CHST11: variants seen among roughly 807,000 people sequenced by gnomAD.
CHST11 encodes C4S-1.
Under a neutral mutation model 30.4 loss-of-function variants are expected in CHST11, and 9 were observed. That is an observed-to-expected ratio of 0.30 (90% confidence interval 0.18 to 0.52). The LOEUF is 0.52. CHST11 is among the 20% of genes least tolerant of loss of function. CHST11 has a pLI of 0.97. For missense variants in CHST11, 348 were observed against 460.6 expected (o/e 0.76, Z 2.24); for synonymous variants, 152 against 187.8 (o/e 0.81, Z 1.56).
intron 2 of CHST11, among the ~76,000 whole-genome samples, chr12:104,711,685 A>G (rs186772730): frequency 7.0e-4 from 107 of 152,336 alleles, no homozygotes; most frequent in Non-Finnish European, 3.8e-4. Flanking sequence ...GGTGACAGCC[A>G]GATTCTTTAA....
chr12:104,654,923 A>AT (rs11423793), intron 2 of CHST11, among the ~76,000 whole-genome samples: 49,376 of 152,090 alleles, frequency 0.32, 8,320 homozygotes, highest in Non-Finnish European at 0.37. Context: ...TAGCATCCTC[A>AT]TTATAATGAC....
At chr12:104,707,459 T>C (rs2040046009) in intron 2 of CHST11, among the ~76,000 whole-genome samples, 1 of 152,148 alleles carries the variant, frequency 6.6e-6, no homozygotes, top group African/African-American at 2.4e-5. Flanking sequence ...TTTTAAGAAA[T>C]ATATATGGAA....
intron 2 of CHST11, among the ~76,000 whole-genome samples, chr12:104,671,093 T>C (rs11112155): frequency 0.036 from 5,508 of 152,264 alleles, 186 homozygotes; most frequent in East Asian, 0.19. Context: ...GGAGATGAGA[T>C]GGTAGAGAAT....
At chr12:104,745,485 G>A (rs1470146669) in intron 2 of CHST11, among the ~76,000 whole-genome samples, 1 of 152,188 alleles carries the variant, frequency 6.6e-6, no homozygotes, top group Non-Finnish European at 1.5e-5. Context: ...AATGTCAGTG[G>A]TAGTTTAATA....
chr12:104,505,331 C>A (rs2037894039), intron 1 of CHST11, among the ~76,000 whole-genome samples: 1 of 152,128 alleles, frequency 6.6e-6, no homozygotes, highest in South Asian at 2.1e-4. Flanking sequence ...CAGCACCCCC[C>A]ACACCCCCCC....
intron 2 of CHST11, among the ~76,000 whole-genome samples, chr12:104,649,215 T>A (rs1433621200): frequency 6.6e-6 from 1 of 152,178 alleles, no homozygotes; most frequent in Non-Finnish European, 1.5e-5. Context: ...GGAACATCAT[T>A]AAGACACAGA....
Position 104,595,626 on chromosome 12 carries a change from A to G in CHST11, c.119-6280A>G, listed in dbSNP as rs943903840. On this transcript the variant is annotated intron_variant, in intron 1 of 2. Coordinates refer to ENST00000303694, the MANE Select transcript of CHST11 (RefSeq NM_018413.6). The stretch of plus-strand genomic sequence containing the variant: ...AGACCTTGTTCAAAGTGAAGATCTT[A>G]GTTTGGTGGCAGAGCCAGGGCTGGG... 2.0e-5 allele frequency among the ~76,000 whole-genome samples: 3 copies of G among 152,138 alleles called. 1 individual carries two copies. The highest frequency in any genetic ancestry group is 2.0e-4 in the Admixed American group (3 of 15,286).
At chr12:104,581,504 G>A (rs2136031837) in intron 1 of CHST11, among the ~76,000 whole-genome samples, 1 of 152,312 alleles carries the variant, frequency 6.6e-6, no homozygotes, top group Non-Finnish European at 1.5e-5. Context: ...AGCTGGTTAT[G>A]ATTTGATGTA....
At chr12:104,742,446 G>T (rs1156388353) in intron 2 of CHST11, among the ~76,000 whole-genome samples, 1 of 152,158 alleles carries the variant, frequency 6.6e-6, no homozygotes, top group Non-Finnish European at 1.5e-5. Flanking sequence ...CCTGCCAGCA[G>T]CGACTTCCGA....
At chr12:104,601,289 A>C (rs1174177469) in intron 1 of CHST11, among the ~76,000 whole-genome samples, 1 of 152,194 alleles carries the variant, frequency 6.6e-6, no homozygotes, top group Non-Finnish European at 1.5e-5. Context: ...TGAGGAGTTC[A>C]CTTATTCCCC....
chr12:104,524,693 C>G (rs1275536054), intron 1 of CHST11, among the ~76,000 whole-genome samples: 1 of 152,162 alleles, frequency 6.6e-6, no homozygotes, highest in Admixed American at 6.5e-5. Flanking sequence ...CATCCATCCT[C>G]CATTTTGGCA....
At chr12:104,659,794 C>T (rs914193230) in intron 2 of CHST11, among the ~76,000 whole-genome samples, 2 of 149,060 alleles carry the variant, frequency 1.3e-5, no homozygotes, top group African/African-American at 4.9e-5. Flanking sequence ...AGTGAGACCC[C>T]CCCCCGCCCC....
intron 1 of CHST11, among the ~76,000 whole-genome samples, chr12:104,467,424 T>C (rs989666515): frequency 4.6e-5 from 7 of 152,228 alleles, no homozygotes; most frequent in Admixed American, 1.3e-4. Flanking sequence ...TAGACCTGCC[T>C]TGAATGTCAT....
At chr12:104,566,641 G>A (rs2038569658) in intron 1 of CHST11, among the ~76,000 whole-genome samples, 1 of 152,166 alleles carries the variant, frequency 6.6e-6, no homozygotes, top group Admixed American at 6.5e-5. Flanking sequence ...GCAGCAGAGG[G>A]ACTCCTTTGA....
chr12:104,473,217 A>G (rs2037527881), intron 1 of CHST11, among the ~76,000 whole-genome samples: 1 of 152,134 alleles, frequency 6.6e-6, no homozygotes, highest in African/African-American at 2.4e-5. Context: ...ATGGGAGGTA[A>G]GATTATTCAT....
At chr12:104,595,137 A>T (rs1355672335) in intron 1 of CHST11, among the ~76,000 whole-genome samples, 3 of 152,122 alleles carry the variant, frequency 2.0e-5, no homozygotes, top group African/African-American at 7.2e-5. Context: ...GGTTACCGAG[A>T]CAAGGAGTTT....
intron 1 of CHST11, among the ~76,000 whole-genome samples, chr12:104,498,273 T>C (rs1330539283): frequency 6.6e-6 from 1 of 152,162 alleles, no homozygotes; most frequent in East Asian, 1.9e-4. Context: ...CTGTTAGGCT[T>C]CACCTGTCAT....
At chr12:104,694,524 A>G (rs1411060088) in intron 2 of CHST11, among the ~76,000 whole-genome samples, 1 of 152,066 alleles carries the variant, frequency 6.6e-6, no homozygotes, top group Non-Finnish European at 1.5e-5. Flanking sequence ...TTCTTAAAAA[A>G]CCTGGGTGTG....
chr12:104,639,965 C>G (rs2039359847), intron 2 of CHST11, among the ~76,000 whole-genome samples: 1 of 152,132 alleles, frequency 6.6e-6, no homozygotes, highest in African/African-American at 2.4e-5. Context: ...GGCAAGTAAG[C>G]ATAAGAAAGG....
Sources: gnomAD v4.1 joint callset for allele counts (sites outside exome capture counted in the v4.1 genomes callset) on GRCh38, gnomAD v4.1.1 for gene constraint, MANE v1.5 for transcripts, NCBI Gene and HGNC (gene_info 2026-07-23, HGNC 2026-07-21) for gene names.